GFOD1: variants seen among roughly 807,000 people sequenced by gnomAD.
GFOD1 encodes Gfo/Idh/MocA-like oxidoreductase domain containing 1.
In GFOD1, 9 loss-of-function variants were observed where a neutral mutation model predicts 25.4. That is an observed-to-expected ratio of 0.35 (90% CI 0.21 to 0.62). The LOEUF (loss-of-function observed/expected upper bound fraction) is 0.62. Among genes scored for constraint, GFOD1 ranks in the 20% least tolerant of loss-of-function variants. The pLI is 0.72. For missense variants in GFOD1, 403 were observed against 556.9 expected (o/e 0.72, Z 2.78); for synonymous variants, 253 against 245.6 (o/e 1.03, Z -0.28).
intron 1 of GFOD1, among the ~76,000 whole-genome samples, chr6:13,426,261 C>G (rs540170320): frequency 6.6e-6 from 1 of 152,376 alleles, no homozygotes; most frequent in Admixed American, 6.5e-5. Flanking sequence ...CACACGCCCC[C>G]AGGCAGGCCA....
chr6:13,397,416 T>C (rs1484622632), intron 1 of GFOD1, among the ~76,000 whole-genome samples: 1 of 152,248 alleles, frequency 6.6e-6, no homozygotes, highest in Non-Finnish European at 1.5e-5. Context: ...ATCTGAGGAC[T>C]CGGGCCTGCC....
intron 1 of GFOD1, 58 bp downstream of exon 1, chr6:13,486,580 C>T (rs1181796018): frequency 1.4e-6 from 2 of 1,442,084 alleles, no homozygotes; most frequent in Non-Finnish European, 1.9e-6. Flanking sequence ...GGGGAAGGAA[C>T]CTAGAGAAGG....
At chr6:13,374,777 T>C (rs1785227241) in intron 1 of GFOD1, among the ~76,000 whole-genome samples, 1 of 150,150 alleles carries the variant, frequency 6.7e-6, no homozygotes, top group Non-Finnish European at 1.5e-5. Context: ...CTCTTGTCTT[T>C]TGTTGCCCAG....
intron 1 of GFOD1, among the ~76,000 whole-genome samples, chr6:13,480,728 C>T (rs1420332877): frequency 1.3e-5 from 2 of 152,110 alleles, no homozygotes; most frequent in African/African-American, 2.4e-5. Flanking sequence ...CTCAAGCAAT[C>T]CTCCTGCCTC....
At chr6:13,443,899 T>C (rs1757958643) in intron 1 of GFOD1, among the ~76,000 whole-genome samples, 1 of 149,194 alleles carries the variant, frequency 6.7e-6, no homozygotes, top group Non-Finnish European at 1.5e-5. Flanking sequence ...GCCATCAACA[T>C]CAAGGCAGGA....
At chr6:13,433,384 G>A (rs1291373338) in intron 1 of GFOD1, among the ~76,000 whole-genome samples, 1 of 152,176 alleles carries the variant, frequency 6.6e-6, no homozygotes, top group African/African-American at 2.4e-5. Context: ...CTCCCAAAGT[G>A]CTGGGATTAC....
chr6:13,420,348 G>T (rs978993445), intron 1 of GFOD1, among the ~76,000 whole-genome samples: 2 of 152,184 alleles, frequency 1.3e-5, no homozygotes, highest in Non-Finnish European at 2.9e-5. Context: ...AACAGCAGTC[G>T]AATTCTGGCA....
rs1784914871 is a variant in GFOD1 at position 13,359,463 on chromosome 6, G to T, written c.*5280C>A. On this transcript the variant is annotated 3_prime_UTR_variant, in exon 2 of 2. Coordinates refer to ENST00000379287, the MANE Select transcript of GFOD1 (RefSeq NM_018988.4). ...TATTAATATCTAGGAGTGGGGTGGGGATGCAGGTGGAGGGTGAGCCAAGTA... is the reference window on the plus strand; with the variant it reads ...TATTAATATCTAGGAGTGGGGTGGGTATGCAGGTGGAGGGTGAGCCAAGTA... 6.6e-6 allele frequency: 1 copy of T among 152,130 alleles called. No homozygotes were observed. Among genetic ancestry groups the T allele is most frequent in the Non-Finnish European group, 1.5e-5 (1 of 68,042 alleles). The allele number at this position is 152,130 out of a possible 1,614,324, so 9.4% of individuals were successfully genotyped here. A position where few individuals can be genotyped will look rare whatever the true frequency, so the allele number is the denominator to read the frequency against.
At chr6:13,376,295 G>C (rs1286227048) in intron 1 of GFOD1, among the ~76,000 whole-genome samples, 5 of 152,156 alleles carry the variant, frequency 3.3e-5, no homozygotes, top group Non-Finnish European at 7.4e-5. Flanking sequence ...AGAGGAAAAT[G>C]GCCAGGACTG....
chr6:13,486,882 G>C lies in GFOD1; in HGVS notation c.9C>G (p.Pro3=). ...GGCTGGTGCCGAACACGCCCACCCC[G>C]GGAAGCATGGCTGCTCAGAGCCGCC... is the stretch of plus-strand genomic sequence containing the variant. The part of the protein sequence containing the change: ML[P]GVGVFGTSLT... Residue 3 remains proline (P), a synonymous_variant, in exon 1 of 2, where the codon CCC becomes CCG. Coordinates refer to ENST00000379287, the MANE Select transcript of GFOD1 (RefSeq NM_018988.4). The C allele has an allele frequency of 6.2e-7, 1 of 1,609,942 alleles. No homozygotes were observed. The highest frequency in any genetic ancestry group is 8.5e-7 in the Non-Finnish European group (1 of 1,179,930).
chr6:13,399,004 A>T (rs921584910), intron 1 of GFOD1, among the ~76,000 whole-genome samples: 2 of 152,198 alleles, frequency 1.3e-5, no homozygotes, highest in Non-Finnish European at 2.9e-5. Context: ...CTACTTTGGA[A>T]AACAGATTTT....
At chr6:13,438,438 C>T (rs1757866446) in intron 1 of GFOD1, among the ~76,000 whole-genome samples, 1 of 152,138 alleles carries the variant, frequency 6.6e-6, no homozygotes, top group Admixed American at 6.5e-5. Context: ...TGTAACCACT[C>T]AAGAGTAGTT....
chr6:13,460,083 G>A (rs761933652), intron 1 of GFOD1, among the ~76,000 whole-genome samples: 1 of 152,200 alleles, frequency 6.6e-6, no homozygotes, highest in Non-Finnish European at 1.5e-5. Flanking sequence ...ACAGTGAGCC[G>A]AGATCGCGCC....
At position 13,365,864 on chromosome 6, in the gene GFOD1, G is replaced by T. The variant is rs1379317564; in HGVS notation, c.254-202C>A. 6.8e-6 allele frequency among the ~76,000 whole-genome samples: 1 copy of T among 148,122 alleles called. No individual in the cohort carries two copies. Among genetic ancestry groups the T allele is most frequent in the African/African-American group, 2.5e-5 (1 of 40,540 alleles). On this transcript the variant is annotated intron_variant, in intron 1 of 1. Transcript: ENST00000379287. This position sits in a 1 kb window ranked among gnomAD's most constrained non-coding sequence, Gnocchi z 9.2. ...GTTGGAGGCCAGCCTGGGTAACACA[G>T]AGAGATCCTGTCTCAATAATAATAA...
chr6:13,391,013 C>A (rs1480268264), intron 1 of GFOD1, among the ~76,000 whole-genome samples: 1 of 152,108 alleles, frequency 6.6e-6, no homozygotes, highest in Non-Finnish European at 1.5e-5. Flanking sequence ...CCTACTGGCC[C>A]AGCGCAAAGA....
intron 1 of GFOD1, among the ~76,000 whole-genome samples, chr6:13,432,695 GTTTCCCTTGAGGT>G (rs1757770442): frequency 6.6e-6 from 1 of 152,120 alleles, no homozygotes; most frequent in South Asian, 2.1e-4. Context: ...CAGCTACACG[GTTTCCCTTGAGGT>G]TCCAGCCTGT....
rs116162506 is a variant in GFOD1 at position 13,379,145 on chromosome 6, G to A, written c.254-13483C>T. Among the ~76,000 whole-genome samples the A allele has an allele frequency of 9.7e-3, 1,473 of 152,294 alleles. 26 individuals carry two copies. The highest frequency in any genetic ancestry group is 0.034 in the African/African-American group (1,398 of 41,570). Reference sequence around the variant, plus strand: ...AGGGAGTGGTGGGAAGATGGTAATCGTAAAAACTGACAAGTAACCTACAGT... The same window carrying A: ...AGGGAGTGGTGGGAAGATGGTAATCATAAAAACTGACAAGTAACCTACAGT... On this transcript the variant is annotated intron_variant, in intron 1 of 1. Transcript: ENST00000379287.
intron 1 of GFOD1, among the ~76,000 whole-genome samples, chr6:13,459,013 T>C (rs1176213742): frequency 3.3e-5 from 5 of 152,152 alleles, no homozygotes; most frequent in Non-Finnish European, 7.3e-5. Context: ...CTCCAAAATA[T>C]ATGAATTGGA....
intron 1 of GFOD1, among the ~76,000 whole-genome samples, chr6:13,462,316 G>A (rs1169333909): frequency 6.6e-6 from 1 of 152,196 alleles, no homozygotes; most frequent in South Asian, 2.1e-4. Context: ...ATCAGGGAAT[G>A]GATATTTTTG....
Sources: allele counts gnomAD v4.1 joint callset (sites outside exome capture counted in the v4.1 genomes callset), GRCh38; gene constraint gnomAD v4.1.1; non-coding constraint Gnocchi (gnomAD v3.1); transcripts MANE v1.5; gene names NCBI Gene and HGNC (gene_info 2026-07-23, HGNC 2026-07-21).